PRKCB: variants seen among roughly 807,000 people sequenced by gnomAD.
PRKCB encodes protein kinase C beta.
In PRKCB, 13 loss-of-function variants were observed where a neutral mutation model predicts 81.5. The ratio of observed to expected loss-of-function variants is 0.16; its 90% CI spans 0.10 to 0.25. PRKCB has a LOEUF of 0.25. Among genes scored for constraint, PRKCB ranks in the 10% least tolerant of loss-of-function variants. PRKCB has a pLI of 1.00. For missense variants in PRKCB, 509 were observed against 875.7 expected (o/e 0.58, Z 5.29); for synonymous variants, 335 against 321.4 (o/e 1.04, Z -0.45).
intron 13 of PRKCB, among the ~76,000 whole-genome samples, chr16:24,181,771 CAAAAAAAA>C (rs71154286): frequency 2.0e-4 from 5 of 24,566 alleles, no homozygotes; most frequent in African/African-American, 3.8e-4. Flanking sequence ...GACCCTGTCT[CAAAAAAAA>C]AAAAAAAAAA....
chr16:24,218,220 A>G lies in PRKCB; in HGVS notation c.*3404A>G. ...GAAAGCAATAAGTGCAATCAAGATAATTAAAGGATGCTAAAGTGTGACTTG... is the reference window on the plus strand; with the variant it reads ...GAAAGCAATAAGTGCAATCAAGATAGTTAAAGGATGCTAAAGTGTGACTTG... On this transcript the variant is annotated 3_prime_UTR_variant, in exon 17 of 17. Coordinates refer to ENST00000643927, the MANE Select transcript of PRKCB (RefSeq NM_002738.7). 1.0e-6 allele frequency: 1 copy of G among 985,420 alleles called. No individual in the cohort carries two copies. The highest frequency in any genetic ancestry group is 1.7e-5 in the African/African-American group (1 of 57,354). The allele number at this position is 985,420 out of a possible 1,614,324, so 61.0% of individuals were successfully genotyped here.
At chr16:23,949,662 G>A (rs1008992520) in intron 2 of PRKCB, among the ~76,000 whole-genome samples, 6 of 152,218 alleles carry the variant, frequency 3.9e-5, no homozygotes, top group Admixed American at 2.6e-4. Flanking sequence ...TGGAGATACA[G>A]CAGTGAACTA....
intron 5 of PRKCB, among the ~76,000 whole-genome samples, chr16:24,068,477 G>GAAAAAA (rs530701855): frequency 1.5e-4 from 18 of 116,220 alleles, no homozygotes; most frequent in African/African-American, 5.3e-4. Flanking sequence ...TGGCCCAAAG[G>GAAAAAA]AAAAAAAAAA....
intron 12 of PRKCB, among the ~76,000 whole-genome samples, chr16:24,179,611 T>A (rs1237295927): frequency 6.6e-6 from 1 of 152,086 alleles, no homozygotes; most frequent in Non-Finnish European, 1.5e-5. Context: ...CTACAACTGT[T>A]CCCCAAAATA....
At chr16:24,061,175 C>T (rs1267741927) in intron 5 of PRKCB, among the ~76,000 whole-genome samples, 1 of 152,046 alleles carries the variant, frequency 6.6e-6, no homozygotes, top group Non-Finnish European at 1.5e-5. Flanking sequence ...ATTCTTATGC[C>T]TCAGCCTCCC....
At position 24,046,513 on chromosome 16, in the gene PRKCB, G is replaced by C. The variant is rs369456916; in HGVS notation, c.529+10966G>C. On this transcript the variant is annotated intron_variant, in intron 5 of 16. Coordinates refer to ENST00000643927, the MANE Select transcript of PRKCB (RefSeq NM_002738.7). ...GCCAGTGGGCTGAGTGTGATTAGCA[G>C]GGATAATGGCATTTAGTTGAGACCT... 5.3e-5 allele frequency among the ~76,000 whole-genome samples: 8 copies of C among 152,360 alleles called. No homozygotes were observed. In the East Asian group the frequency reaches 1.3e-3, roughly 26 times the overall value.
chr16:23,967,283 T>C (rs1048149508), intron 2 of PRKCB, among the ~76,000 whole-genome samples: 18 of 152,216 alleles, frequency 1.2e-4, no homozygotes, highest in Non-Finnish European at 1.5e-5. Flanking sequence ...TCCTTTTGGA[T>C]GGTGGCCTTG....
chr16:24,137,726 C>G (rs552734869), intron 9 of PRKCB, among the ~76,000 whole-genome samples: 13 of 152,160 alleles, frequency 8.5e-5, no homozygotes, highest in African/African-American at 3.1e-4. Flanking sequence ...TAAAATGAAT[C>G]CCTGGTTACT....
chr16:24,052,891 G>A (rs978908976), intron 5 of PRKCB, among the ~76,000 whole-genome samples: 2 of 152,154 alleles, frequency 1.3e-5, no homozygotes, highest in Admixed American at 1.3e-4. Context: ...ATGCAGCCCA[G>A]TAGGTCTCAG....
chr16:24,214,981 A>G lies in PRKCB; in HGVS notation c.*165A>G. 2.1e-6 allele frequency: 3 copies of G among 1,448,002 alleles called. No individual in the cohort carries two copies. Among genetic ancestry groups the G allele is most frequent in the Non-Finnish European group, 2.7e-6 (3 of 1,105,542 alleles). 89.7% of individuals were successfully genotyped at this position (1,448,002 alleles called of 1,614,324 possible). A position where few individuals can be genotyped will look rare whatever the true frequency, so the allele number is the denominator to read the frequency against. Reference sequence around the variant, plus strand: ...CAAATGTCCTCAGGTAGTTTGGAGCATCTCTATGAGATGGGATTATGCAGA... The same window carrying G: ...CAAATGTCCTCAGGTAGTTTGGAGCGTCTCTATGAGATGGGATTATGCAGA... On this transcript the variant is annotated 3_prime_UTR_variant, in exon 17 of 17. Transcript: ENST00000643927.
At chr16:24,042,921 G>A (rs756753550) in intron 5 of PRKCB, among the ~76,000 whole-genome samples, 4 of 152,076 alleles carry the variant, frequency 2.6e-5, no homozygotes, top group Non-Finnish European at 4.4e-5. Context: ...TAGTTTTGTA[G>A]AGATGGGGTT....
At chr16:23,839,823 G>A (rs1962236000) in intron 2 of PRKCB, among the ~76,000 whole-genome samples, 1 of 152,156 alleles carries the variant, frequency 6.6e-6, no homozygotes, top group South Asian at 2.1e-4. Context: ...CAAGATTCTT[G>A]GACCAGAGCT....
chr16:24,010,475 C>A (rs1965188032), intron 3 of PRKCB, among the ~76,000 whole-genome samples: 1 of 152,134 alleles, frequency 6.6e-6, no homozygotes, highest in Non-Finnish European at 1.5e-5. Context: ...CACCCCACAT[C>A]GGAGGGGAGA....
intron 2 of PRKCB, among the ~76,000 whole-genome samples, chr16:23,854,153 CA>C (rs1012993450): frequency 6.6e-6 from 1 of 151,672 alleles, no homozygotes; most frequent in African/African-American, 2.4e-5. Flanking sequence ...AGCTACAATT[CA>C]AGATGAGATT....
intron 2 of PRKCB, among the ~76,000 whole-genome samples, chr16:23,944,691 A>G (rs947141821): frequency 6.6e-6 from 1 of 152,166 alleles, no homozygotes; most frequent in African/African-American, 2.4e-5. Flanking sequence ...GGGTGGCTGG[A>G]AAAACCTCAC....
chr16:23,969,432 A>G (rs542796930), intron 2 of PRKCB, among the ~76,000 whole-genome samples: 19 of 152,282 alleles, frequency 1.2e-4, no homozygotes, highest in African/African-American at 3.9e-4. Flanking sequence ...AGACTCACGC[A>G]TGCATGTGCC....
intron 2 of PRKCB, among the ~76,000 whole-genome samples, chr16:23,846,386 G>T (rs1327027322): frequency 6.6e-6 from 1 of 151,984 alleles, no homozygotes; most frequent in Non-Finnish European, 1.5e-5. Flanking sequence ...GAGGTGGGTG[G>T]ATCATCTGAG....
At chr16:24,102,842 T>C (rs1966525461) in intron 7 of PRKCB, among the ~76,000 whole-genome samples, 1 of 152,242 alleles carries the variant, frequency 6.6e-6, no homozygotes, top group African/African-American at 2.4e-5. Flanking sequence ...ATTTTACTAA[T>C]TTATTTTTTC....
At position 23,969,413 on chromosome 16, in the gene PRKCB, A is replaced by T. The variant is rs573429508; in HGVS notation, c.206-19095A>T. Among the ~76,000 whole-genome samples, 11 of 152,234 alleles carry T rather than the reference A, an allele frequency of 7.2e-5. No individual in the cohort carries two copies. The Middle Eastern group carries it at 0.01, about 141-fold the overall frequency. ...TGTCTGCCTTCTTTCACTTAAAATA[A>T]TGTTTTTGAGACTCACGCATGCATG... is the stretch of plus-strand genomic sequence containing the variant. On this transcript the variant is annotated intron_variant, in intron 2 of 16. Coordinates refer to ENST00000643927, the MANE Select transcript of PRKCB (RefSeq NM_002738.7).
Sources: allele counts gnomAD v4.1 joint callset (sites outside exome capture counted in the v4.1 genomes callset), GRCh38; gene constraint gnomAD v4.1.1; transcripts MANE v1.5; gene names NCBI Gene and HGNC (gene_info 2026-07-23, HGNC 2026-07-21).